Variants in LRRTM4 observed in about 807,000 individuals in gnomAD.
The protein encoded by LRRTM4 is leucine-rich repeat transmembrane neuronal protein 4.
LRRTM4 carries 25 observed loss-of-function variants against 47.6 expected under a neutral mutation model. That is an observed-to-expected ratio of 0.53 (90% CI 0.38 to 0.73). The LOEUF (loss-of-function observed/expected upper bound fraction) is 0.73, where lower values mean the gene tolerates loss of function less well. Among genes scored for constraint, LRRTM4 ranks in the 30% least tolerant of loss-of-function variants. The probability of loss-of-function intolerance (pLI) is 0.00; values close to 1 mark genes in which losing one functional copy is unlikely to be tolerated. For missense variants in LRRTM4, 638 were observed against 713.4 expected (o/e 0.89, Z 1.20); for synonymous variants, 311 against 269.5 (o/e 1.15, Z -1.51).
At chr2:77,032,713 C>T (rs1424974312) in intron 3 of LRRTM4, among the ~76,000 whole-genome samples, 1 of 152,080 alleles carries the variant, frequency 6.6e-6, no homozygotes, top group African/African-American at 2.4e-5. Context: ...TGCTGAAAGA[C>T]TGCATTAGGA....
At chr2:76,873,447 GTA>G (rs565358381) in intron 3 of LRRTM4, among the ~76,000 whole-genome samples, 6 of 143,516 alleles carry the variant, frequency 4.2e-5, no homozygotes, top group South Asian at 2.2e-4. Flanking sequence ...TAGTCTGTGT[GTA>G]TATATATATA....
chr2:76,813,755 A>G (rs1022051486), intron 3 of LRRTM4, among the ~76,000 whole-genome samples: 1 of 152,100 alleles, frequency 6.6e-6, no homozygotes, highest in East Asian at 1.9e-4. Context: ...TGTTTCAATA[A>G]ACCTTTTTAA....
At chr2:77,233,871 C>G (rs1165351850) in intron 3 of LRRTM4, among the ~76,000 whole-genome samples, 1 of 152,172 alleles carries the variant, frequency 6.6e-6, no homozygotes, top group Non-Finnish European at 1.5e-5. Flanking sequence ...ACTGCAACCT[C>G]CGCGTCCACC....
intron 3 of LRRTM4, among the ~76,000 whole-genome samples, chr2:77,249,652 G>T (rs1558653058): frequency 6.6e-6 from 1 of 152,122 alleles, no homozygotes; most frequent in Non-Finnish European, 1.5e-5. Flanking sequence ...CCAAAATCCA[G>T]AGCGCTGATA....
At chr2:76,774,348 C>T (rs939892697) in intron 3 of LRRTM4, among the ~76,000 whole-genome samples, 4 of 149,208 alleles carry the variant, frequency 2.7e-5, no homozygotes, top group African/African-American at 9.7e-5. Context: ...CGTGCCACCA[C>T]TCCCAGATAA....
chr2:77,212,661 T>C (rs2103926369), intron 3 of LRRTM4, among the ~76,000 whole-genome samples: 1 of 151,932 alleles, frequency 6.6e-6, no homozygotes, highest in Admixed American at 6.6e-5. Context: ...CGACAAATTA[T>C]TGCACTAGTT....
At chr2:77,295,284 T>C (rs906457244) in intron 3 of LRRTM4, among the ~76,000 whole-genome samples, 1 of 152,188 alleles carries the variant, frequency 6.6e-6, no homozygotes, top group Non-Finnish European at 1.5e-5. Flanking sequence ...GTCTTAGTAA[T>C]TGTTTTACCC....
chr2:77,319,026 TA>T (rs1303947974), intron 3 of LRRTM4, among the ~76,000 whole-genome samples: 1 of 152,118 alleles, frequency 6.6e-6, no homozygotes, highest in East Asian at 1.9e-4. Context: ...AAAATATTTT[TA>T]ACAGGATTAC....
intron 3 of LRRTM4, among the ~76,000 whole-genome samples, chr2:76,989,533 G>A (rs1009360213): frequency 5.9e-5 from 9 of 151,806 alleles, no homozygotes; most frequent in African/African-American, 2.2e-4. Context: ...GTTACATGTT[G>A]AGAGAAAATA....
At chr2:77,387,702 C>T (rs919811186) in intron 3 of LRRTM4, among the ~76,000 whole-genome samples, 1 of 152,056 alleles carries the variant, frequency 6.6e-6, no homozygotes, top group Non-Finnish European at 1.5e-5. Context: ...GCTAACACCG[C>T]GGGCCCTTCA....
intron 3 of LRRTM4, among the ~76,000 whole-genome samples, chr2:77,350,332 CAAAAAAAAAAAAA>C (rs61365229): frequency 0.012 from 470 of 39,204 alleles, 4 homozygotes; most frequent in African/African-American, 0.04. Context: ...GACTCCGTCT[CAAAAAAAAAAAAA>C]AAAAAAAAAA....
At chr2:76,945,494 A>T (rs536091109) in intron 3 of LRRTM4, among the ~76,000 whole-genome samples, 1 of 152,172 alleles carries the variant, frequency 6.6e-6, no homozygotes, top group South Asian at 2.1e-4. Flanking sequence ...TGGCAGAAAG[A>T]GGATTTATGA....
intron 3 of LRRTM4, among the ~76,000 whole-genome samples, chr2:76,796,536 C>T (rs1372092849): frequency 7.9e-6 from 1 of 126,084 alleles, no homozygotes; most frequent in Non-Finnish European, 1.6e-5. Context: ...GGAGGCACCC[C>T]CAAGCACGGG....
chr2:76,885,327 C>T (rs1234242229), intron 3 of LRRTM4, among the ~76,000 whole-genome samples: 1 of 151,982 alleles, frequency 6.6e-6, no homozygotes, highest in African/African-American at 2.4e-5. Flanking sequence ...GACTGGGACC[C>T]TATCTTACTT....
chr2:76,815,048 G>A (rs1216650284), intron 3 of LRRTM4, among the ~76,000 whole-genome samples: 1 of 152,026 alleles, frequency 6.6e-6, no homozygotes, highest in African/African-American at 2.4e-5. Context: ...GTGTGGGAGA[G>A]AGCTTCACTG....
chr2:77,388,200 T>C (rs562782823), intron 3 of LRRTM4, among the ~76,000 whole-genome samples: 4 of 151,528 alleles, frequency 2.6e-5, no homozygotes. Flanking sequence ...AAGCGAACAG[T>C]TATTTAGGTT....
At chr2:76,914,863 CA>C (rs1386440150) in intron 3 of LRRTM4, among the ~76,000 whole-genome samples, 1 of 152,098 alleles carries the variant, frequency 6.6e-6, no homozygotes, top group Non-Finnish European at 1.5e-5. Context: ...TAATAAAGAG[CA>C]AAGGCTCTAG....
chr2:77,100,846 CT>C (rs752749316), intron 3 of LRRTM4, among the ~76,000 whole-genome samples: 3,006 of 122,922 alleles, frequency 0.024, 30 homozygotes, highest in African/African-American at 0.06. Flanking sequence ...AGCTCTGATT[CT>C]TTTTTTTTTT....
chr2:77,012,805 C>A (rs1420325684), intron 3 of LRRTM4, among the ~76,000 whole-genome samples: 1 of 152,112 alleles, frequency 6.6e-6, no homozygotes, highest in Non-Finnish European at 1.5e-5. Flanking sequence ...AGATTACCAA[C>A]TCAAACAAGG....
Sources: gnomAD v4.1 joint callset for allele counts (sites outside exome capture counted in the v4.1 genomes callset) on GRCh38, gnomAD v4.1.1 for gene constraint, MANE v1.5 for transcripts, NCBI Gene and HGNC (gene_info 2026-07-23, HGNC 2026-07-21) for gene names.